The following FHIT variants were observed in gnomAD, a reference collection of about 807,000 sequenced individuals.
The protein encoded by FHIT is fragile histidine triad diadenosine triphosphatase, also known as bis(5'-adenosyl)-triphosphatase.
In FHIT, 19 loss-of-function variants were observed where a neutral mutation model predicts 17.9. That is an observed-to-expected ratio of 1.06 (90% CI 0.74 to 1.56). The LOEUF (loss-of-function observed/expected upper bound fraction) is 1.56, where lower values mean the gene tolerates loss of function less well. FHIT is among the 40% of genes most tolerant of loss of function. The pLI is 0.00. For synonymous variants in FHIT, 81 were observed against 69.7 expected, an observed-to-expected ratio of 1.16 and a Z score of -0.81; for missense variants, 248 against 189.2, an observed-to-expected ratio of 1.31 and a Z score of -1.82.
At chr3:61,091,838 G>A (rs1427685151) in intron 2 of FHIT, among the ~76,000 whole-genome samples, 3 of 150,218 alleles carry the variant, frequency 2.0e-5, no homozygotes, top group Non-Finnish European at 4.4e-5. Context: ...TACTAGGGAG[G>A]TTGAGATGGG....
chr3:59,913,246 G>A lies in FHIT; in HGVS notation c.348+9100C>T, dbSNP rs9869351. 8.1e-3 allele frequency among the ~76,000 whole-genome samples: 1,235 copies of A among 152,136 alleles called. 23 individuals carry two copies. Among genetic ancestry groups the A allele is most frequent in the African/African-American group, 0.028 (1,171 of 41,518 alleles). ...GTAAATGTCTCTAAGGTTGAACAGGGATATGAAAACCATTTGGGATTTAGT... is the reference window on the plus strand; with the variant it reads ...GTAAATGTCTCTAAGGTTGAACAGGAATATGAAAACCATTTGGGATTTAGT... On this transcript the variant is annotated intron_variant, in intron 8 of 9. Coordinates refer to ENST00000492590, the MANE Select transcript of FHIT (RefSeq NM_002012.4).
chr3:60,085,292 A>G (rs1458918078), intron 5 of FHIT, among the ~76,000 whole-genome samples: 1 of 152,178 alleles, frequency 6.6e-6, no homozygotes, highest in Admixed American at 6.5e-5. Context: ...CATTCTGTCC[A>G]GGTGCCTCTG....
rs1004787495 is a variant in FHIT, at chr3:59,765,091, G to A, written c.349-12770C>T. 6.6e-5 allele frequency among the ~76,000 whole-genome samples: 10 copies of A among 152,148 alleles called. No homozygotes were observed. The South Asian group carries it at 8.3e-4, about 13-fold the overall frequency. On this transcript the variant is annotated intron_variant, in intron 8 of 9. Coordinates refer to ENST00000492590, the MANE Select transcript of FHIT (RefSeq NM_002012.4). The stretch of plus-strand genomic sequence containing the variant: ...GTACTGGAGAAACAGCCATGGCTGA[G>A]AGATACACAAAGCTGAAATATTATA...
chr3:60,076,477 C>T (rs2736765), intron 5 of FHIT, among the ~76,000 whole-genome samples: 98,909 of 151,764 alleles, frequency 0.65, 33,160 homozygotes, highest in Middle Eastern at 0.77. Flanking sequence ...ATACAAGCCA[C>T]ACTGTGGGGT....
chr3:59,776,465 G>A (rs1406578840), intron 8 of FHIT, among the ~76,000 whole-genome samples: 1 of 152,122 alleles, frequency 6.6e-6, no homozygotes, highest in African/African-American at 2.4e-5. Context: ...ACATTGCACA[G>A]GCTATGTGCA....
chr3:60,321,308 C>T (rs1422534718), intron 5 of FHIT, among the ~76,000 whole-genome samples: 2 of 152,044 alleles, frequency 1.3e-5, no homozygotes, highest in African/African-American at 4.8e-5. Context: ...GGTGAATCCC[C>T]ATCTCTAAAA....
At chr3:60,510,530 T>C (rs1299450306) in intron 5 of FHIT, among the ~76,000 whole-genome samples, 2 of 152,170 alleles carry the variant, frequency 1.3e-5, no homozygotes, top group Non-Finnish European at 2.9e-5. Flanking sequence ...TAGTCAAATA[T>C]GTATCCTTCC....
chr3:60,731,386 T>C (rs2042026214), intron 4 of FHIT, among the ~76,000 whole-genome samples: 1 of 152,164 alleles, frequency 6.6e-6, no homozygotes, highest in African/African-American at 2.4e-5. Flanking sequence ...TGAAAGGAAG[T>C]AAAGTACACT....
intron 5 of FHIT, among the ~76,000 whole-genome samples, chr3:60,155,912 A>C (rs755041772): frequency 3.0e-4 from 46 of 152,186 alleles, no homozygotes; most frequent in Non-Finnish European, 5.6e-4. Context: ...ACTTATTGCC[A>C]AGAGACATAA....
intron 5 of FHIT, among the ~76,000 whole-genome samples, chr3:60,140,301 T>C (rs1298567216): frequency 6.6e-6 from 1 of 152,062 alleles, no homozygotes; most frequent in Admixed American, 6.6e-5. Context: ...CCACAGCTAC[T>C]CCCCTCACAT....
At chr3:60,538,406 C>T (rs1012662553) in intron 4 of FHIT, among the ~76,000 whole-genome samples, 1 of 151,842 alleles carries the variant, frequency 6.6e-6, no homozygotes, top group Non-Finnish European at 1.5e-5. Context: ...ATCAAGATAC[C>T]AATTACTTTC....
At chr3:59,799,023 C>G (rs1055947689) in intron 8 of FHIT, among the ~76,000 whole-genome samples, 2 of 152,298 alleles carry the variant, frequency 1.3e-5, no homozygotes, top group East Asian at 3.9e-4. Context: ...TCTAAACAAA[C>G]CAAAGGGAAG....
chr3:60,562,692 G>A (rs546704074), intron 4 of FHIT, among the ~76,000 whole-genome samples: 1 of 152,160 alleles, frequency 6.6e-6, no homozygotes, highest in African/African-American at 2.4e-5. Flanking sequence ...CTCCACTCCA[G>A]ATGTAATTGA....
intron 8 of FHIT, among the ~76,000 whole-genome samples, chr3:59,801,980 A>T (rs1480849348): frequency 6.6e-6 from 1 of 152,144 alleles, no homozygotes; most frequent in East Asian, 1.9e-4. Flanking sequence ...GACTACACCC[A>T]TTCTTCCAAA....
chr3:60,127,392 T>C (rs1272490797), intron 5 of FHIT, among the ~76,000 whole-genome samples: 6 of 152,156 alleles, frequency 3.9e-5, no homozygotes, highest in African/African-American at 1.2e-4. Context: ...GACAGGTCTA[T>C]AAATGGCTTC....
intron 5 of FHIT, among the ~76,000 whole-genome samples, chr3:60,224,617 G>A (rs1370872059): frequency 4.6e-5 from 7 of 152,052 alleles, no homozygotes; most frequent in Admixed American, 4.6e-4. Context: ...ATCCTCTTTT[G>A]GACAACAAAT....
chr3:60,256,091 G>C (rs1234040730), intron 5 of FHIT, among the ~76,000 whole-genome samples: 1 of 152,118 alleles, frequency 6.6e-6, no homozygotes, highest in Non-Finnish European at 1.5e-5. Context: ...CTTGAGCTCT[G>C]TAACCTCCAT....
At chr3:60,133,553 C>T (rs748114868) in intron 5 of FHIT, among the ~76,000 whole-genome samples, 3 of 152,010 alleles carry the variant, frequency 2.0e-5, no homozygotes, top group Non-Finnish European at 2.9e-5. Flanking sequence ...TGGGAGGCCC[C>T]TGTGGTTCAA....
At chr3:59,865,901 A>C (rs907786189) in intron 8 of FHIT, among the ~76,000 whole-genome samples, 35 of 152,176 alleles carry the variant, frequency 2.3e-4, no homozygotes, top group African/African-American at 8.2e-4. Flanking sequence ...GAGAGCATCA[A>C]AGTGGATCCA....
Sources: allele counts gnomAD v4.1 joint callset (sites outside exome capture counted in the v4.1 genomes callset), GRCh38; gene constraint gnomAD v4.1.1; transcripts MANE v1.5; gene names NCBI Gene and HGNC (gene_info 2026-07-23, HGNC 2026-07-21).